ATP10B: variants seen among roughly 807,000 people sequenced by gnomAD.
ATP10B encodes the protein ATPase phospholipid transporting 10B (putative).
Under a neutral mutation model 141.2 loss-of-function variants are expected in ATP10B, and 122 were observed. The ratio of observed to expected loss-of-function variants is 0.86; its 90% CI spans 0.75 to 1.00. The LOEUF (loss-of-function observed/expected upper bound fraction) is 1.00. ATP10B is among the 50% of genes least tolerant of loss of function. The probability of loss-of-function intolerance (pLI) is 0.00; values close to 1 mark genes in which losing one functional copy is unlikely to be tolerated. For synonymous variants in ATP10B, 685 were observed against 692.0 expected, an observed-to-expected ratio of 0.99 and a Z score of 0.16; for missense variants, 1,876 against 1,825.3, an observed-to-expected ratio of 1.03 and a Z score of -0.51.
At chr5:160,615,622 G>GTTCC (rs1757953571) in intron 17 of ATP10B, among the ~76,000 whole-genome samples, 1 of 151,940 alleles carries the variant, frequency 6.6e-6, no homozygotes, top group South Asian at 2.1e-4. Flanking sequence ...TCTTCCAGCA[G>GTTCC]GGAATGCAGG....
intron 6 of ATP10B, among the ~76,000 whole-genome samples, chr5:160,672,312 T>TAAA (rs1762762740): frequency 1.3e-5 from 2 of 152,134 alleles, no homozygotes; most frequent in Non-Finnish European, 2.9e-5. Flanking sequence ...TTTCAGAAAG[T>TAAA]CTTCCTTCTG....
At chr5:160,608,544 C>T (rs1377228702) in intron 18 of ATP10B, among the ~76,000 whole-genome samples, 4 of 152,144 alleles carry the variant, frequency 2.6e-5, no homozygotes, top group East Asian at 1.9e-4. Context: ...ACACGCCCAC[C>T]GATAGTGTAA....
chr5:160,646,392 C>T (rs1760276710), intron 8 of ATP10B, among the ~76,000 whole-genome samples: 1 of 152,128 alleles, frequency 6.6e-6, no homozygotes, highest in East Asian at 1.9e-4. Flanking sequence ...TAGAATATAA[C>T]TGTTTTGATT....
At chr5:160,819,210 G>A (rs912384286) in intron 1 of ATP10B, among the ~76,000 whole-genome samples, 1 of 151,984 alleles carries the variant, frequency 6.6e-6, no homozygotes, top group African/African-American at 2.4e-5. Context: ...ATACAATGGA[G>A]CCCCAATATG....
At chr5:160,627,764 T>C (rs1758684177) in intron 13 of ATP10B, among the ~76,000 whole-genome samples, 1 of 152,168 alleles carries the variant, frequency 6.6e-6, no homozygotes, top group Admixed American at 6.5e-5. Context: ...TTAAAATTCA[T>C]TAGGTTAAAA....
the ATP10B span, among the ~76,000 whole-genome samples, chr5:160,868,422 T>G: frequency 7.9e-5 from 12 of 152,022 alleles, no homozygotes; most frequent in Admixed American, 7.2e-4. Context: ...AACATTTTAC[T>G]TGCTGAAGCC....
intron 7 of ATP10B, among the ~76,000 whole-genome samples, chr5:160,668,332 C>CT (rs374311484): frequency 5.7e-4 from 82 of 143,598 alleles, no homozygotes; most frequent in African/African-American, 2.0e-3. Context: ...CACGCATATA[C>CT]ACACGTGTAT....
chr5:160,690,267 A>G (rs1342926541), intron 3 of ATP10B, among the ~76,000 whole-genome samples: 1 of 152,254 alleles, frequency 6.6e-6, no homozygotes, highest in Non-Finnish European at 1.5e-5. Flanking sequence ...AAGAAAACCT[A>G]GGCAAAACCA....
chr5:160,688,179 A>G (rs1763880846), intron 4 of ATP10B, 85 bp from the exon 5 acceptor site: 2 of 1,390,178 alleles, frequency 1.4e-6, no homozygotes, highest in South Asian at 2.9e-5. Context: ...CATGCAGGGT[A>G]GACACTGAAA....
intron 1 of ATP10B, among the ~76,000 whole-genome samples, chr5:160,833,986 C>T (rs1213650088): frequency 6.6e-6 from 1 of 151,990 alleles, no homozygotes; most frequent in Non-Finnish European, 1.5e-5. Flanking sequence ...TACTTGTGGG[C>T]AGTCATACAA....
intron 8 of ATP10B, among the ~76,000 whole-genome samples, chr5:160,644,451 G>C (rs1170595747): frequency 6.6e-6 from 1 of 152,116 alleles, no homozygotes; most frequent in Non-Finnish European, 1.5e-5. Context: ...GTGGGAGCTA[G>C]ACCATTAGAA....
intron 2 of ATP10B, among the ~76,000 whole-genome samples, chr5:160,739,977 T>C (rs1767357845): frequency 6.6e-6 from 1 of 152,154 alleles, no homozygotes; most frequent in Admixed American, 6.5e-5. Flanking sequence ...GTGCCCAACA[T>C]TCTTTTCCTT....
chr5:160,565,635 T>C lies in ATP10B; in HGVS notation c.4204A>G (p.Arg1402Gly), dbSNP rs61734663. The change falls in exon 26 of 26, where the codon AGA becomes GGA. Residue 1402 changes from arginine (R) to glycine (G), a missense_variant. Physicochemically the swap from Arg to Gly is moderately radical, Grantham distance 125. Coordinates refer to ENST00000327245, the MANE Select transcript of ATP10B (RefSeq NM_025153.3). ...TCCCTCATGCACTCCGTGCCACATC[T>C]CTGTTCGTGGAGTACTGACTCTTCC... ...HVEESVLHEQ[R>G]CGTECMRDDS... 3,517 of 1,614,082 alleles carry C rather than the reference T, an allele frequency of 2.2e-3. 74 individuals are homozygous for C. In the African/African-American group the frequency reaches 0.042, roughly 19 times the overall value.
At chr5:160,889,600 A>C in the ATP10B span, among the ~76,000 whole-genome samples, 1,944 of 152,326 alleles carry the variant, frequency 0.013, 24 homozygotes, top group Non-Finnish European at 0.022. Flanking sequence ...TGCACTGAAG[A>C]CACATCAGTG....
intron 3 of ATP10B, among the ~76,000 whole-genome samples, chr5:160,697,638 A>G (rs1282734803): frequency 6.6e-6 from 1 of 152,154 alleles, no homozygotes; most frequent in Non-Finnish European, 1.5e-5. Flanking sequence ...GGTTGGTAAA[A>G]GTGGGGACTA....
At chr5:160,688,430 T>C (rs1214605029) in intron 4 of ATP10B, among the ~76,000 whole-genome samples, 5 of 152,094 alleles carry the variant, frequency 3.3e-5, no homozygotes, top group African/African-American at 1.2e-4. Context: ...TTGAAGTGGG[T>C]GGGACGTGCT....
At chr5:160,878,393 T>G in the ATP10B span, among the ~76,000 whole-genome samples, 3 of 151,804 alleles carry the variant, frequency 2.0e-5, no homozygotes, top group African/African-American at 7.2e-5. Flanking sequence ...CAAGATGGAT[T>G]AAAGACTTAA....
chr5:160,887,402 G>T, the ATP10B span, among the ~76,000 whole-genome samples: 1 of 152,072 alleles, frequency 6.6e-6, no homozygotes, highest in South Asian at 2.1e-4. Flanking sequence ...TTTGTTTTCT[G>T]ATATTTTATA....
chr5:160,686,188 G>A lies in ATP10B; in HGVS notation c.361C>T (p.Pro121Ser), dbSNP rs1763741494. ...ATGACGAACAGGACAATGGCCAATG[G>A]TAACATGGTGATTTCTCTGTGGAAG... Reference protein sequence around the residue: ...EVFHREITMLPLAIVLFVIMI... With the variant: ...EVFHREITMLSLAIVLFVIMI... The change falls in exon 6 of 26, where the codon CCA (proline) becomes TCA (serine). Residue 121 changes from proline (P) to serine (S), a missense_variant. By Grantham distance (74) the Pro-to-Ser change is moderately conservative (BLOSUM62 -1). Transcript: ENST00000327245. 6.2e-7 allele frequency: 1 copy of A among 1,613,132 alleles called. No individual in the cohort carries two copies. The highest frequency in any genetic ancestry group is 8.5e-7 in the Non-Finnish European group (1 of 1,179,394).
Sources: allele counts gnomAD v4.1 joint callset (sites outside exome capture counted in the v4.1 genomes callset), GRCh38; gene constraint gnomAD v4.1.1; transcripts MANE v1.5; gene names NCBI Gene and HGNC (gene_info 2026-07-23, HGNC 2026-07-21).